BICC1: variants seen among roughly 807,000 people sequenced by gnomAD.
BICC1 encodes the protein protein bicaudal C homolog 1.
Under a neutral mutation model 111.0 loss-of-function variants are expected in BICC1, and 43 were observed. That is an observed-to-expected ratio of 0.39 (90% CI 0.30 to 0.50). BICC1 has a LOEUF of 0.50. Ranked by LOEUF, BICC1 falls within the 20% of genes least tolerant of loss-of-function variation. The pLI is 0.88. For missense variants in BICC1, 1,091 were observed against 1,203.2 expected (o/e 0.91, Z 1.38); for synonymous variants, 467 against 434.4 (o/e 1.07, Z -0.93).
At chr10:58,593,014 T>C (rs1280672840) in intron 1 of BICC1, among the ~76,000 whole-genome samples, 11 of 151,814 alleles carry the variant, frequency 7.2e-5, no homozygotes, top group Admixed American at 7.2e-4. Context: ...AACAGCAGTC[T>C]GAGATTGACT....
chr10:58,788,523 G>C, intron 6 of BICC1, 100 bp downstream of exon 6: 1 of 790,518 alleles, frequency 1.3e-6, no homozygotes, highest in Non-Finnish European at 2.1e-6. Flanking sequence ...ACCGAATCAT[G>C]TTCAATCAGT....
At chr10:58,678,786 G>A (rs977863562) in intron 2 of BICC1, among the ~76,000 whole-genome samples, 1 of 152,148 alleles carries the variant, frequency 6.6e-6, no homozygotes. Flanking sequence ...ATAATTGGAA[G>A]TAAAACACTC....
chr10:58,632,278 G>A (rs746327133), intron 2 of BICC1, among the ~76,000 whole-genome samples: 3 of 152,198 alleles, frequency 2.0e-5, no homozygotes, highest in African/African-American at 7.2e-5. Flanking sequence ...TTGTAAGATG[G>A]TGTTAGCATG....
intron 2 of BICC1, among the ~76,000 whole-genome samples, chr10:58,625,458 A>G (rs1845960570): frequency 6.6e-6 from 1 of 152,114 alleles, no homozygotes; most frequent in Non-Finnish European, 1.5e-5. Context: ...GATGAAAGCC[A>G]GGTTTTTTTT....
At chr10:58,811,591 T>C (rs752189095) in intron 17 of BICC1, among the ~76,000 whole-genome samples, 2 of 152,086 alleles carry the variant, frequency 1.3e-5, no homozygotes, top group Non-Finnish European at 2.9e-5. Context: ...CCACAAATAC[T>C]AAGCACCTTA....
intron 1 of BICC1, among the ~76,000 whole-genome samples, chr10:58,581,038 A>G (rs904146217): frequency 7.9e-5 from 12 of 152,186 alleles, no homozygotes; most frequent in African/African-American, 1.4e-4. Context: ...AGATATGTCT[A>G]AGAATTTTAT....
chr10:58,774,552 A>T (rs1842700621), intron 3 of BICC1, among the ~76,000 whole-genome samples: 1 of 152,220 alleles, frequency 6.6e-6, no homozygotes, highest in Non-Finnish European at 1.5e-5. Context: ...TAGAGCATAA[A>T]ATAAAATAGA....
intron 2 of BICC1, among the ~76,000 whole-genome samples, chr10:58,672,152 C>A (rs78924045): frequency 0.016 from 2,476 of 152,196 alleles, 73 homozygotes; most frequent in African/African-American, 0.056. Flanking sequence ...TGAGTATATT[C>A]ACATTGTTGT....
intron 19 of BICC1, among the ~76,000 whole-genome samples, chr10:58,819,133 A>G (rs930097337): frequency 4.6e-5 from 7 of 152,174 alleles, no homozygotes; most frequent in Admixed American, 1.3e-4. Context: ...CATATTGTCT[A>G]TGGCTTCCTT....
chr10:58,802,301 A>G (rs930869181), intron 14 of BICC1, among the ~76,000 whole-genome samples: 3 of 152,144 alleles, frequency 2.0e-5, no homozygotes, highest in African/African-American at 7.2e-5. Context: ...CTCTTTTTGT[A>G]TTCCCCAAGT....
chr10:58,711,574 C>T (rs1260348005), intron 3 of BICC1, among the ~76,000 whole-genome samples: 1 of 152,188 alleles, frequency 6.6e-6, no homozygotes, highest in Non-Finnish European at 1.5e-5. Context: ...ATTAGCAAGA[C>T]TGAGGACCTG....
chr10:58,725,616 T>C (rs966442204), intron 3 of BICC1, among the ~76,000 whole-genome samples: 1 of 152,236 alleles, frequency 6.6e-6, no homozygotes, highest in Non-Finnish European at 1.5e-5. Context: ...TTTTTGTCTG[T>C]GGGTTTGCTT....
chr10:58,559,879 G>A (rs1005237052), intron 1 of BICC1, among the ~76,000 whole-genome samples: 2 of 151,910 alleles, frequency 1.3e-5, no homozygotes, highest in Admixed American at 6.6e-5. Flanking sequence ...GATATATCAT[G>A]TTTATTGATT....
chr10:58,531,684 A>G (rs1012341967), intron 1 of BICC1, among the ~76,000 whole-genome samples: 2 of 151,930 alleles, frequency 1.3e-5, no homozygotes, highest in Admixed American at 6.6e-5. Context: ...ACTGTGAATA[A>G]AATGAGAATA....
intron 3 of BICC1, among the ~76,000 whole-genome samples, chr10:58,765,560 T>G (rs559606732): frequency 2.5e-4 from 38 of 152,334 alleles, no homozygotes; most frequent in African/African-American, 8.9e-4. Flanking sequence ...AGGTTGTACG[T>G]GATAAACTCC....
chr10:58,593,196 C>T (rs61874019), intron 1 of BICC1, among the ~76,000 whole-genome samples: 1 of 152,100 alleles, frequency 6.6e-6, no homozygotes, highest in Non-Finnish European at 1.5e-5. Context: ...GCCAGATTTC[C>T]TTTCTCTGGG....
At chr10:58,815,659 G>C (rs1844064494) in intron 18 of BICC1, among the ~76,000 whole-genome samples, 1 of 151,504 alleles carries the variant, frequency 6.6e-6, no homozygotes. Flanking sequence ...AGGGTATAGG[G>C]AGTTTAAGAG....
intron 2 of BICC1, among the ~76,000 whole-genome samples, chr10:58,646,753 G>T (rs1163027097): frequency 2.7e-5 from 4 of 150,906 alleles, no homozygotes; most frequent in African/African-American, 9.7e-5. Flanking sequence ...TAGTGCTGTA[G>T]TTGGGAGATA....
chr10:58,595,204 G>A (rs565672858), intron 1 of BICC1, among the ~76,000 whole-genome samples: 12 of 152,276 alleles, frequency 7.9e-5, no homozygotes, highest in Non-Finnish European at 1.6e-4. Context: ...GGAATACCCA[G>A]ATTCATAAAG....
Sources: allele counts gnomAD v4.1 joint callset (sites outside exome capture counted in the v4.1 genomes callset), GRCh38; gene constraint gnomAD v4.1.1; transcripts MANE v1.5; gene names NCBI Gene and HGNC (gene_info 2026-07-23, HGNC 2026-07-21).